Variants in SHOC1 observed in about 807,000 individuals in gnomAD.
SHOC1 encodes protein shortage in chiasmata 1 ortholog.
SHOC1 carries 136 observed loss-of-function variants against 179.2 expected under a neutral mutation model. The ratio of observed to expected loss-of-function variants is 0.76; its 90% CI spans 0.66 to 0.87. SHOC1 has a LOEUF of 0.87. SHOC1 is among the 40% of genes least tolerant of loss of function. SHOC1 has a pLI of 0.00. For missense variants in SHOC1, 1,538 were observed against 1,700.8 expected (o/e 0.90, Z 1.68); for synonymous variants, 489 against 586.6 (o/e 0.83, Z 2.41).
intron 2 of SHOC1, among the ~76,000 whole-genome samples, chr9:111,789,847 A>G (rs1479980627): frequency 1.3e-5 from 2 of 152,236 alleles, no homozygotes; most frequent in African/African-American, 4.8e-5. Context: ...TACCATGGAT[A>G]TCTTTTAACT....
At chr9:111,759,727 G>A (rs1373471439) in intron 5 of SHOC1, among the ~76,000 whole-genome samples, 1 of 152,154 alleles carries the variant, frequency 6.6e-6, no homozygotes, top group Non-Finnish European at 1.5e-5. Flanking sequence ...TTGACTTTTC[G>A]GTTAAGTGAC....
intron 5 of SHOC1, among the ~76,000 whole-genome samples, chr9:111,761,611 C>T (rs1284219577): frequency 6.6e-6 from 1 of 152,034 alleles, no homozygotes; most frequent in South Asian, 2.1e-4. Flanking sequence ...ATGAAAGAAA[C>T]CATAAAAGAA....
chr9:111,722,546 G>A lies in SHOC1; in HGVS notation c.1994C>T (p.Ala665Val), dbSNP rs1833110099. 12 of 1,606,492 alleles carry A rather than the reference G, an allele frequency of 7.5e-6. No individual in the cohort carries two copies. The highest frequency in any genetic ancestry group is 1.1e-5 in the South Asian group (1 of 88,652). The change falls in exon 15 of 28, where the codon GCT (alanine) becomes GTT (valine). Residue 665 changes from alanine (A) to valine (V), a missense_variant. Physicochemically the swap from Ala to Val is moderately conservative, Grantham distance 64. Transcript: ENST00000682961. The part of the protein sequence containing the change: ...CQAFCLLEAA[A>V]SPILKNLVSL... ...TACAAGGTTTTTTAAGATAGGAGAAGCTGCTGCTTCGAGGAGGCAAAATGC... is the reference window on the plus strand; with the variant it reads ...TACAAGGTTTTTTAAGATAGGAGAAACTGCTGCTTCGAGGAGGCAAAATGC...
intron 6 of SHOC1, among the ~76,000 whole-genome samples, chr9:111,758,465 G>A (rs374254121): frequency 1.3e-5 from 2 of 152,158 alleles, no homozygotes; most frequent in African/African-American, 2.4e-5. Flanking sequence ...GCACAGTGGC[G>A]CACGCCTGTA....
chr9:111,764,101 T>A (rs1464242343), intron 5 of SHOC1, among the ~76,000 whole-genome samples: 1 of 151,536 alleles, frequency 6.6e-6, no homozygotes, highest in Non-Finnish European at 1.5e-5. Flanking sequence ...TGAAACCTAG[T>A]GCCATCCTGT....
At chr9:111,759,835 C>G (rs563206906) in intron 5 of SHOC1, among the ~76,000 whole-genome samples, 2 of 150,538 alleles carry the variant, frequency 1.3e-5, no homozygotes, top group African/African-American at 5.0e-5. Context: ...AGGGAACATC[C>G]CTTTGCTTGG....
chr9:111,730,977 T>C (rs144112962), intron 12 of SHOC1, among the ~76,000 whole-genome samples: 29 of 152,368 alleles, frequency 1.9e-4, no homozygotes, highest in African/African-American at 6.5e-4. Flanking sequence ...CACTTGTTGC[T>C]TCACCTTGTA....
intron 6 of SHOC1, 88 bp downstream of exon 6, chr9:111,758,606 AC>A (rs1318458503): frequency 1.7e-5 from 21 of 1,267,398 alleles, no homozygotes; most frequent in East Asian, 7.4e-5. Flanking sequence ...ACAAAAAAAA[AC>A]ATTGTTGATA....
chr9:111,772,317 C>A (rs1052396558), intron 5 of SHOC1, among the ~76,000 whole-genome samples: 2 of 152,050 alleles, frequency 1.3e-5, no homozygotes, highest in Non-Finnish European at 2.9e-5. Context: ...TTCTGAATTG[C>A]TTTTCTGTAT....
intron 11 of SHOC1, among the ~76,000 whole-genome samples, chr9:111,739,853 TCAACTTTGTGGAAGGTCTTTGAAG>T (rs1474219334): frequency 1.3e-5 from 2 of 152,176 alleles, no homozygotes; most frequent in Admixed American, 6.6e-5. Flanking sequence ...TGTGTTTCTT[TCAACTTTGTGGAAGGTCTTTGAAG>T]CACGAGTTGA....
intron 8 of SHOC1, among the ~76,000 whole-genome samples, chr9:111,751,623 C>G (rs890061869): frequency 1.3e-5 from 2 of 152,068 alleles, no homozygotes; most frequent in African/African-American, 2.4e-5. Flanking sequence ...ACAGATTAAT[C>G]TAATTAAAGC....
intron 18 of SHOC1, among the ~76,000 whole-genome samples, chr9:111,709,011 T>C (rs994198645): frequency 2.0e-5 from 3 of 152,224 alleles, no homozygotes; most frequent in Non-Finnish European, 4.4e-5. Context: ...TGAGTACTAT[T>C]TCTCTTTTAT....
chr9:111,768,943 A>G (rs543128497), intron 5 of SHOC1, among the ~76,000 whole-genome samples: 1 of 152,208 alleles, frequency 6.6e-6, no homozygotes, highest in South Asian at 2.1e-4. Context: ...ACCTATTTTG[A>G]TGATGGTTTT....
Position 111,775,895 on chromosome 9 carries a change from A to G in SHOC1, c.338T>C (p.Ile113Thr), listed in dbSNP as rs115450306. The G allele has an allele frequency of 6.4e-4, 1,031 of 1,613,668 alleles. 9 individuals carry two copies. The African/African-American group carries it at 0.011, about 18-fold the overall frequency. Residue 113 changes from isoleucine to threonine, a missense_variant, in exon 5 of 28, where the codon ATT becomes ACT. By Grantham distance (89) the Ile-to-Thr change is moderately conservative. Coordinates refer to ENST00000682961, the MANE Select transcript of SHOC1 (RefSeq NM_001378211.1). ...VVPSSNPDSQ[I>T]EVEEVSLYTH... ...GTATAAACTGACCTCCTCTACTTCA[A>G]TTTGGGAGTCTGGATTTGAACTTGG...
chr9:111,773,884 T>C (rs1325864719), intron 5 of SHOC1, among the ~76,000 whole-genome samples: 1 of 152,186 alleles, frequency 6.6e-6, no homozygotes, highest in Non-Finnish European at 1.5e-5. Flanking sequence ...AAATATACTA[T>C]GTTCCTTTTG....
intron 24 of SHOC1, among the ~76,000 whole-genome samples, chr9:111,697,502 C>A (rs567553590): frequency 2.1e-4 from 32 of 152,220 alleles, no homozygotes; most frequent in African/African-American, 7.0e-4. Flanking sequence ...TCATCCATGT[C>A]CCTGCAAAGG....
chr9:111,785,501 C>T (rs1836230592), intron 3 of SHOC1, among the ~76,000 whole-genome samples: 1 of 152,118 alleles, frequency 6.6e-6, no homozygotes, highest in South Asian at 2.1e-4. Flanking sequence ...TCCAAGGATG[C>T]TACTTCTTTA....
At chr9:111,782,652 A>G (rs1226333160) in intron 3 of SHOC1, among the ~76,000 whole-genome samples, 2 of 152,074 alleles carry the variant, frequency 1.3e-5, no homozygotes, top group African/African-American at 4.8e-5. Context: ...GCCACCCAAC[A>G]TTGACAGATG....
intron 12 of SHOC1, among the ~76,000 whole-genome samples, chr9:111,737,349 A>G (rs760546098): frequency 6.6e-6 from 1 of 152,224 alleles, no homozygotes; most frequent in African/African-American, 2.4e-5. Context: ...AAATATGTTC[A>G]TTATCCTATA....
Sources: gnomAD v4.1 joint callset for allele counts (sites outside exome capture counted in the v4.1 genomes callset) on GRCh38, gnomAD v4.1.1 for gene constraint, MANE v1.5 for transcripts, NCBI Gene and HGNC (gene_info 2026-07-23, HGNC 2026-07-21) for gene names.